ACTR3C: variants seen among roughly 807,000 people sequenced by gnomAD.
ACTR3C encodes the protein actin related protein 3C, also known as actin-related protein 3C.
ACTR3C carries 18 observed loss-of-function variants against 26.3 expected under a neutral mutation model. The observed-to-expected ratio is 0.68, with a 90% CI of 0.47 to 1.01. ACTR3C has a LOEUF of 1.01. Among genes scored for constraint, ACTR3C ranks in the 50% least tolerant of loss-of-function variants. The probability of loss-of-function intolerance (pLI) is 0.00; values close to 1 mark genes in which losing one functional copy is unlikely to be tolerated. For missense variants in ACTR3C, 184 were observed against 250.7 expected (o/e 0.73, Z 1.80); for synonymous variants, 55 against 94.5 (o/e 0.58, Z 2.42).
At chr7:150,296,589 T>C (rs1482922056) in intron 1 of ACTR3C, among the ~76,000 whole-genome samples, 1 of 146,740 alleles carries the variant, frequency 6.8e-6, no homozygotes, top group African/African-American at 2.6e-5. Context: ...ATATCTCGTA[T>C]TTAAAACTGA....
the ACTR3C span, among the ~76,000 whole-genome samples, chr7:149,903,301 C>T: frequency 6.6e-6 from 1 of 150,668 alleles, no homozygotes; most frequent in Non-Finnish European, 1.5e-5. Flanking sequence ...ACAAAATAAC[C>T]ACTATTTGAA....
chr7:150,266,639 C>T (rs999074263), intron 6 of ACTR3C, among the ~76,000 whole-genome samples: 5 of 151,936 alleles, frequency 3.3e-5, no homozygotes, highest in African/African-American at 1.2e-4. Context: ...AAAGACAAGC[C>T]ACAGACTAGA....
the ACTR3C span, among the ~76,000 whole-genome samples, chr7:150,166,777 C>T: frequency 6.6e-5 from 10 of 150,412 alleles, 1 homozygote; most frequent in Admixed American, 4.6e-4. Flanking sequence ...CGTATTTTTG[C>T]ACCCATTAAG....
At chr7:150,190,796 T>C in the ACTR3C span, among the ~76,000 whole-genome samples, 1 of 152,204 alleles carries the variant, frequency 6.6e-6, no homozygotes, top group Non-Finnish European at 1.5e-5. Flanking sequence ...TGACTCCCAG[T>C]TCAGCACAGC....
intron 1 of ACTR3C, among the ~76,000 whole-genome samples, chr7:150,315,477 G>C (rs1439317870): frequency 6.6e-6 from 1 of 152,086 alleles, no homozygotes; most frequent in Non-Finnish European, 1.5e-5. Context: ...AAAAAATACA[G>C]AAAACATGCT....
the ACTR3C span, among the ~76,000 whole-genome samples, chr7:150,040,072 T>C: frequency 1.6e-4 from 22 of 138,434 alleles, no homozygotes; most frequent in East Asian, 4.0e-4. Context: ...CTCCCCCCAC[T>C]GCGATGGGAG....
chr7:150,104,380 A>G, the ACTR3C span, among the ~76,000 whole-genome samples: 2 of 152,086 alleles, frequency 1.3e-5, no homozygotes, highest in Non-Finnish European at 2.9e-5. Flanking sequence ...AATAATTTTT[A>G]AAAAAGTTCA....
the ACTR3C span, among the ~76,000 whole-genome samples, chr7:150,229,870 T>C: frequency 2.8e-3 from 432 of 151,936 alleles, 4 homozygotes; most frequent in African/African-American, 0.01. Context: ...CTCTTTCTGT[T>C]TTTATTATCT....
At chr7:150,155,629 C>G in the ACTR3C span, among the ~76,000 whole-genome samples, 6 of 148,444 alleles carry the variant, frequency 4.0e-5, no homozygotes, top group Non-Finnish European at 6.0e-5. Context: ...TTCTAGTGTC[C>G]TGTGCCTCTG....
At chr7:150,067,673 G>A in the ACTR3C span, among the ~76,000 whole-genome samples, 1 of 151,408 alleles carries the variant, frequency 6.6e-6, no homozygotes, top group Non-Finnish European at 1.5e-5. Context: ...AGGCCCCAGA[G>A]CTACAGGTGT....
chr7:150,277,441 G>A (rs112140448), intron 6 of ACTR3C, among the ~76,000 whole-genome samples: 3,591 of 152,224 alleles, frequency 0.024, 131 homozygotes, highest in African/African-American at 0.082. Flanking sequence ...GGCTAAGGCC[G>A]TCTTGTCCTC....
At chr7:150,259,774 G>T (rs2533276) in intron 6 of ACTR3C, among the ~76,000 whole-genome samples, 73,560 of 151,900 alleles carry the variant, frequency 0.48, 19,890 homozygotes, top group African/African-American at 0.74. Context: ...GCCAAAAATT[G>T]TATAAAATAT....
the ACTR3C span, among the ~76,000 whole-genome samples, chr7:150,100,299 C>T: frequency 0.44 from 66,364 of 151,320 alleles, 15,766 homozygotes; most frequent in East Asian, 0.69. Flanking sequence ...TCATCCTGCT[C>T]TCAGCAGACA....
At chr7:149,912,391 G>T in the ACTR3C span, among the ~76,000 whole-genome samples, 2 of 151,864 alleles carry the variant, frequency 1.3e-5, no homozygotes, top group African/African-American at 4.8e-5. Context: ...CTTTTAGACA[G>T]TATAGTCTTG....
chr7:150,299,487 A>AC (rs1795245141), intron 1 of ACTR3C, among the ~76,000 whole-genome samples: 3 of 143,622 alleles, frequency 2.1e-5, no homozygotes, highest in South Asian at 4.3e-4. Flanking sequence ...AAAAAAAAAA[A>AC]AAAAAAACAA....
At chr7:150,110,692 G>A in the ACTR3C span, among the ~76,000 whole-genome samples, 1 of 150,466 alleles carries the variant, frequency 6.6e-6, no homozygotes, top group East Asian at 2.0e-4. Flanking sequence ...TCAGTGGTGG[G>A]GCTGGCAGGG....
At chr7:150,156,810 G>T in the ACTR3C span, among the ~76,000 whole-genome samples, 1 of 151,010 alleles carries the variant, frequency 6.6e-6, no homozygotes, top group Non-Finnish European at 1.5e-5. Flanking sequence ...CATTCCTTTC[G>T]CTCCAGGTAT....
At chr7:150,089,588 G>A in the ACTR3C span, among the ~76,000 whole-genome samples, 1 of 152,166 alleles carries the variant, frequency 6.6e-6, no homozygotes, top group Non-Finnish European at 1.5e-5. Context: ...ACAGGAGGGG[G>A]ATAGGGGTAT....
the ACTR3C span, among the ~76,000 whole-genome samples, chr7:150,042,539 G>T: frequency 1.2e-3 from 182 of 150,514 alleles, 2 homozygotes; most frequent in East Asian, 6.0e-4. Context: ...CCAAGAGCCA[G>T]GGGGGGAAGA....
Sources: gnomAD v4.1 joint callset for allele counts (sites outside exome capture counted in the v4.1 genomes callset) on GRCh38, gnomAD v4.1.1 for gene constraint, MANE v1.5 for transcripts, NCBI Gene and HGNC (gene_info 2026-07-23, HGNC 2026-07-21) for gene names.